SHLD3: variants seen among roughly 807,000 people sequenced by gnomAD.
The protein encoded by SHLD3 is REV7-interacting novel NHEJ regulator 1.
Under a neutral mutation model 21.4 loss-of-function variants are expected in SHLD3, and 15 were observed. The observed-to-expected ratio is 0.70, with a 90% CI of 0.47 to 1.08. The LOEUF (loss-of-function observed/expected upper bound fraction) is 1.08. Ranked by LOEUF, SHLD3 falls within the 50% of genes least tolerant of loss-of-function variation. SHLD3 has a pLI of 0.00. For synonymous variants in SHLD3, 103 were observed against 97.2 expected (o/e 1.06, Z -0.35); for missense variants, 273 against 286.1 (o/e 0.95, Z 0.33).
In SHLD3 at chr5:65,630,667, A is replaced by G; in HGVS notation, c.*327A>G. The G allele has an allele frequency of 2.0e-6, 2 of 1,005,992 alleles. No homozygotes were observed. Among genetic ancestry groups the G allele is most frequent in the Non-Finnish European group, 2.4e-6 (2 of 842,152 alleles). The allele number at this position is 1,005,992 out of a possible 1,614,324, so 62.3% of individuals were successfully genotyped here. A position where few individuals can be genotyped will look rare whatever the true frequency, so the allele number is the denominator to read the frequency against. ...TTACTGTATTTTTTTCCTTACCTCA[A>G]GTGTAATTTTTTAAAAAATAAAACT... is the stretch of plus-strand genomic sequence containing the variant. On this transcript the variant is annotated 3_prime_UTR_variant, in exon 2 of 2. Coordinates refer to ENST00000510585, the MANE Select transcript of SHLD3 (RefSeq NM_001365341.2).
intron 1 of SHLD3, among the ~76,000 whole-genome samples, chr5:65,628,588 C>CAGT (rs1755360734): frequency 2.0e-5 from 3 of 151,896 alleles, no homozygotes; most frequent in Non-Finnish European, 2.9e-5. Flanking sequence ...TCTCCTCCCT[C>CAGT]AGCCTCCTGA....
chr5:65,629,440 C>G, intron 1 of SHLD3, 28 bp from the exon 2 acceptor site: 1 of 1,394,770 alleles, frequency 7.2e-7, no homozygotes, highest in Middle Eastern at 2.5e-4. Context: ...CCTACCATAT[C>G]TTATTCTTTG....
chr5:65,627,669 CTT>C (rs1254231327), intron 1 of SHLD3, among the ~76,000 whole-genome samples: 1 of 151,198 alleles, frequency 6.6e-6, no homozygotes, highest in Non-Finnish European at 1.5e-5. Flanking sequence ...CACTGATTGA[CTT>C]TAGACAACAA....
intron 1 of SHLD3, chr5:65,626,088 A>C (rs1336711017): frequency 1.1e-5 from 1 of 91,656 alleles, no homozygotes; most frequent in Non-Finnish European, 2.5e-5. Flanking sequence ...CTGTAAGCTT[A>C]ACCTGAGCAA....
Position 65,627,203 on chromosome 5 carries a change from T to C in SHLD3, c.-121+2097T>C, listed in dbSNP as rs115689152. Among the ~76,000 whole-genome samples the C allele has an allele frequency of 5.9e-3, 888 of 149,472 alleles. 8 individuals are homozygous for C. Among genetic ancestry groups the C allele is most frequent in the African/African-American group, 0.021 (851 of 40,514 alleles). ...GGACAAGTGCTTCAAAATTGACTGA[T>C]AGTTTCAACTTTATTAAACCTCTTT... On this transcript the variant is annotated intron_variant, in intron 1 of 1. Coordinates refer to ENST00000510585, the MANE Select transcript of SHLD3 (RefSeq NM_001365341.2).
In SHLD3 at chr5:65,630,195, C is replaced by G; in HGVS notation, c.608C>G (p.Thr203Arg). ...RHNELPSCNA[T>R]IQRHLGQIWV... is the part of the protein sequence containing the mutation. ...AATGAACTTCCATCTTGTAATGCTACAATTCAGAGGCATTTAGGCCAAATA... is the reference window on the plus strand; with the variant it reads ...AATGAACTTCCATCTTGTAATGCTAGAATTCAGAGGCATTTAGGCCAAATA... Residue 203 changes from threonine (T) to arginine (R), a missense_variant, in exon 2 of 2, where the codon ACA (threonine) becomes AGA (arginine). Transcript: ENST00000510585. The G allele has an allele frequency of 2.0e-6, 3 of 1,535,926 alleles. No individual in the cohort carries two copies. In the South Asian group the frequency reaches 3.6e-5, roughly 18 times the overall value.
chr5:65,627,096 C>T (rs1253843480), intron 1 of SHLD3, among the ~76,000 whole-genome samples: 1 of 132,236 alleles, frequency 7.6e-6, no homozygotes, highest in Admixed American at 8.7e-5. Context: ...TGCGCCACTG[C>T]ACTCCAGCCT....
rs1356218934 is a variant in SHLD3 at position 65,629,771 on chromosome 5, G to A, written c.184G>A (p.Glu62Lys). Residue 62 changes from glutamate (E) to lysine (K), a missense_variant, in exon 2 of 2, where the codon GAA (glutamate) becomes AAA (lysine). Physicochemically the swap from Glu to Lys is moderately conservative, Grantham distance 56. Coordinates refer to ENST00000510585, the MANE Select transcript of SHLD3 (RefSeq NM_001365341.2). ...RPKRSPPVIS[E>K]EAAEDVKQYL... is the part of the protein sequence containing the mutation. ...TAAAAGATCACCACCTGTGATTTCT[G>A]AAGAGGCAGCTGAAGATGTGAAACA... is the stretch of plus-strand genomic sequence containing the variant. The A allele has an allele frequency of 6.5e-7, 1 of 1,535,984 alleles. No individual in the cohort carries two copies. Among genetic ancestry groups the A allele is most frequent in the Non-Finnish European group, 8.7e-7 (1 of 1,146,906 alleles).
At chr5:65,628,565 G>A (rs1233621898) in intron 1 of SHLD3, among the ~76,000 whole-genome samples, 3 of 151,034 alleles carry the variant, frequency 2.0e-5, no homozygotes, top group African/African-American at 4.9e-5. Flanking sequence ...TCAACCTCCC[G>A]GGTTCAAGCG....
In SHLD3 at chr5:65,630,124, A is replaced by C. The variant is rs1356659082; in HGVS notation, c.537A>C (p.Gln179His). ...WTIEHTICNSQTLEDIWTKLN... is the reference protein window; with the variant it reads ...WTIEHTICNSHTLEDIWTKLN... ...TAGAACACACTATTTGTAACAGCCA[A>C]ACTCTGGAAGACATTTGGACAAAAC... The change falls in exon 2 of 2, where the codon CAA (glutamine) becomes CAC (histidine). Residue 179 changes from glutamine (Q) to histidine (H), a missense_variant. Coordinates refer to ENST00000510585, the MANE Select transcript of SHLD3 (RefSeq NM_001365341.2). 1 of 1,536,090 alleles carries C rather than the reference A, an allele frequency of 6.5e-7. No homozygotes were observed. Among genetic ancestry groups the C allele is most frequent in the South Asian group, 1.2e-5 (1 of 84,066 alleles).
In SHLD3 at chr5:65,630,575, C is replaced by A; in HGVS notation, c.*235C>A. On this transcript the variant is annotated 3_prime_UTR_variant, in exon 2 of 2. Coordinates refer to ENST00000510585, the MANE Select transcript of SHLD3 (RefSeq NM_001365341.2). Reference sequence around the variant, plus strand: ...AATGTTCTGTTCCTTTTGTTACAAACTGTGATTGAATTAGTCATGAATTAA... The same window carrying A: ...AATGTTCTGTTCCTTTTGTTACAAAATGTGATTGAATTAGTCATGAATTAA... The A allele has an allele frequency of 2.6e-6, 3 of 1,169,664 alleles. No individual in the cohort carries two copies. The highest frequency in any genetic ancestry group is 3.2e-6 in the Non-Finnish European group (3 of 948,016). 72.5% of individuals were successfully genotyped at this position (1,169,664 alleles called of 1,614,324 possible). A position where few individuals can be genotyped will look rare whatever the true frequency, so the allele number is the denominator to read the frequency against.
chr5:65,625,458 A>G (rs1755169419), intron 1 of SHLD3: 1 of 283,886 alleles, frequency 3.5e-6, no homozygotes, highest in Admixed American at 5.0e-5. Context: ...TTCCTGTGGC[A>G]CTGACGAAGT....
Position 65,629,450 on chromosome 5 carries a change from G to T in SHLD3, c.-120-18G>T. 1.4e-6 allele frequency: 2 copies of T among 1,406,698 alleles called. No individual in the cohort carries two copies. 87.1% of individuals were successfully genotyped at this position (1,406,698 alleles called of 1,614,324 possible). ...GTATCCCTACCATATCTTATTCTTT[G>T]CAATACTTCTACTTTAGGTCCTGTT... On this transcript the variant is annotated intron_variant, in intron 1 of 1. Coordinates refer to ENST00000510585, the MANE Select transcript of SHLD3 (RefSeq NM_001365341.2).
At position 65,625,051 on chromosome 5, in the gene SHLD3, G is replaced by A. The variant is rs1285053116; in HGVS notation, c.-176G>A. The A allele has an allele frequency of 1.2e-6, 2 of 1,613,226 alleles. No homozygotes were observed. Among genetic ancestry groups the A allele is most frequent in the Admixed American group, 3.3e-5 (2 of 60,000 alleles). On this transcript the variant is annotated 5_prime_UTR_variant, in exon 1 of 2. Transcript: ENST00000510585. ...CCCCCGTAGGCTGTGGGTCAAAAGT[G>A]CCGGTCAAAATGGAAGTGAATCCCC...
Position 65,629,643 on chromosome 5 carries a change from T to C in SHLD3, c.56T>C (p.Leu19Pro). 1 of 1,536,010 alleles carries C rather than the reference T, an allele frequency of 6.5e-7. No individual in the cohort carries two copies. The highest frequency in any genetic ancestry group is 8.7e-7 in the Non-Finnish European group (1 of 1,146,862). The change falls in exon 2 of 2, where the codon CTG (leucine) becomes CCG (proline). Residue 19 changes from leucine (L) to proline (P), a missense_variant. Leu to Pro is a moderately conservative substitution (Grantham distance 98). Coordinates refer to ENST00000510585, the MANE Select transcript of SHLD3 (RefSeq NM_001365341.2). ...CCATGTGAGAGTGATCCCACACAAC[T>C]GCCAAAAATTGCAGAAAAAGCAATT... ...YRPCESDPTQ[L>P]PKIAEKAIQD...
rs1445736847 is a variant in SHLD3, at chr5:65,629,834, A to G, written c.247A>G (p.Ser83Gly). 1.3e-6 allele frequency: 2 copies of G among 1,535,996 alleles called. No individual in the cohort carries two copies. The highest frequency in any genetic ancestry group is 4.9e-5 in the East Asian group (2 of 40,914). The change falls in exon 2 of 2, where the codon AGT (serine) becomes GGT (glycine). Residue 83 changes from serine to glycine, a missense_variant. Transcript: ENST00000510585. Reference sequence around the variant, plus strand: ...TTCAGAACATGATGCTAAGTCACACAGTTATGATTGCACAGTAGATCTATT... The same window carrying G: ...TTCAGAACATGATGCTAAGTCACACGGTTATGATTGCACAGTAGATCTATT... ...TISEHDAKSHSYDCTVDLLEF... is the reference protein window; with the variant it reads ...TISEHDAKSHGYDCTVDLLEF...
At chr5:65,628,053 G>A (rs1335748202) in intron 1 of SHLD3, among the ~76,000 whole-genome samples, 7 of 152,286 alleles carry the variant, frequency 4.6e-5, no homozygotes, top group East Asian at 1.9e-4. Context: ...TTGTTAGGAT[G>A]TGAAAAAGTC....
intron 1 of SHLD3, among the ~76,000 whole-genome samples, chr5:65,629,122 T>TA (rs1755402951): frequency 6.6e-6 from 1 of 152,202 alleles, no homozygotes; most frequent in Non-Finnish European, 1.5e-5. Context: ...AACAATATTT[T>TA]AAGAATCATT....
In SHLD3 at chr5:65,625,121, A is replaced by AC. The variant is rs765452632; in HGVS notation, c.-121+17dup. The AC allele has an allele frequency of 6.8e-6, 11 of 1,608,710 alleles. No individual in the cohort carries two copies. Among genetic ancestry groups the AC allele is most frequent in the Non-Finnish European group, 2.6e-6 (3 of 1,175,228 alleles). On this transcript the variant is annotated intron_variant, in intron 1 of 1. Transcript: ENST00000510585. ...GGCGCTAAAAGGTAAACTTTTGCGA[A>AC]CCTGATTCCCCCTTTTCTGTTTCCT...
Sources: allele counts gnomAD v4.1 joint callset (sites outside exome capture counted in the v4.1 genomes callset), GRCh38; gene constraint gnomAD v4.1.1; transcripts MANE v1.5; gene names NCBI Gene and HGNC (gene_info 2026-07-23, HGNC 2026-07-21).